ARL5A: variants seen among roughly 807,000 people sequenced by gnomAD.
ARL5A encodes the protein ADP-ribosylation factor-like protein 5A.
A neutral mutation model predicts 25.9 loss-of-function variants in ARL5A; 18 were observed. That is an observed-to-expected ratio of 0.69 (90% CI 0.48 to 1.03). ARL5A has a LOEUF of 1.03. Ranked by LOEUF, ARL5A falls within the 50% of genes least tolerant of loss-of-function variation. The pLI is 0.00. For missense variants in ARL5A, 170 were observed against 211.9 expected (o/e 0.80, Z 1.23); for synonymous variants, 61 against 67.5 (o/e 0.90, Z 0.47).
Position 151,828,132 on chromosome 2 carries a change from CTGG to C in ARL5A, c.42_44del (p.His14del), listed in dbSNP as rs1413750619. On this transcript the variant is annotated inframe_deletion and splice_region_variant, in exon 1 of 6. Transcript: ENST00000295087. Reference sequence around the variant, plus strand: ...ACGCCCGCGGACCGAGCTCCTCACCCTGGTGATTGAACAGTCTCCATATTCTAG... The same window carrying C: ...ACGCCCGCGGACCGAGCTCCTCACCCTGATTGAACAGTCTCCATATTCTAG... 6.2e-7 allele frequency: 1 copy of C among 1,610,376 alleles called. No individual in the cohort carries two copies. The highest frequency in any genetic ancestry group is 8.5e-7 in the Non-Finnish European group (1 of 1,178,296).
At chr2:151,812,001 T>C (rs2099830909) in intron 4 of ARL5A, among the ~76,000 whole-genome samples, 1 of 152,244 alleles carries the variant, frequency 6.6e-6, no homozygotes, top group Non-Finnish European at 1.5e-5. Flanking sequence ...CAAGAATTGC[T>C]AAGCACCCAG....
intron 4 of ARL5A, among the ~76,000 whole-genome samples, chr2:151,811,378 T>C (rs1429929401): frequency 6.6e-6 from 1 of 152,062 alleles, no homozygotes; most frequent in Non-Finnish European, 1.5e-5. Context: ...TATTCCTATC[T>C]ATAAATGAGT....
chr2:151,812,517 T>C, intron 3 of ARL5A, 77 bp from the exon 4 acceptor site: 2 of 895,814 alleles, frequency 2.2e-6, no homozygotes, highest in South Asian at 2.1e-5. Flanking sequence ...TTATTTGACA[T>C]ACAGGCTATT....
intron 3 of ARL5A, among the ~76,000 whole-genome samples, chr2:151,812,680 C>T (rs904131563): frequency 2.0e-5 from 3 of 152,044 alleles, no homozygotes; most frequent in African/African-American, 4.8e-5. Context: ...ATATATAACG[C>T]ATGTCTGTTT....
intron 1 of ARL5A, among the ~76,000 whole-genome samples, chr2:151,815,748 C>T (rs926756549): frequency 1.3e-5 from 2 of 152,140 alleles, no homozygotes; most frequent in Non-Finnish European, 2.9e-5. Flanking sequence ...GCGACTCCCT[C>T]CCCCCATTTG....
chr2:151,814,416 T>C (rs2099831232), intron 2 of ARL5A, 100 bp from the exon 3 acceptor site: 4 of 914,268 alleles, frequency 4.4e-6, no homozygotes, highest in Non-Finnish European at 6.4e-6. Context: ...CCTTTTATAA[T>C]TTATACCTAA....
At position 151,828,113 on chromosome 2, in the gene ARL5A, G is replaced by T; in HGVS notation, c.46+18C>A. 6.2e-7 allele frequency: 1 copy of T among 1,607,516 alleles called. No individual in the cohort carries two copies. The highest frequency in any genetic ancestry group is 8.5e-7 in the Non-Finnish European group (1 of 1,176,880). ...GACCCTCTCCCCAACCCGTACGCCC[G>T]CGGACCGAGCTCCTCACCCTGGTGA... On this transcript the variant is annotated intron_variant, in intron 1 of 5. Coordinates refer to ENST00000295087, the MANE Select transcript of ARL5A (RefSeq NM_012097.4).
At position 151,806,901 on chromosome 2, in the gene ARL5A, T is replaced by TGA; in HGVS notation, c.410_411insTC (p.Glu137AspfsTer7). The stretch of plus-strand genomic sequence containing the variant: ...AAGTTAGCTTCAAAAACTGGGAGAT[T>TGA]TCTGCTACAGTCATGCATTCTTTAA... On this transcript the variant is annotated frameshift_variant, in exon 5 of 6. Transcript: ENST00000295087. LOFTEE classifies it high-confidence loss of function. The TGA allele has an allele frequency of 6.2e-7, 1 of 1,613,650 alleles. No homozygotes were observed. Among genetic ancestry groups the TGA allele is most frequent in the Non-Finnish European group, 8.5e-7 (1 of 1,179,746 alleles).
intron 5 of ARL5A, among the ~76,000 whole-genome samples, 175 bp from the exon 6 acceptor site, chr2:151,803,499 T>C (rs1337064238): frequency 6.6e-6 from 1 of 152,204 alleles, no homozygotes; most frequent in African/African-American, 2.4e-5. Context: ...TCATACACAA[T>C]ACATCTGTGC....
chr2:151,819,683 T>C (rs937332553), intron 1 of ARL5A, among the ~76,000 whole-genome samples: 2 of 151,934 alleles, frequency 1.3e-5, no homozygotes, highest in Non-Finnish European at 2.9e-5. Flanking sequence ...TTGGTTACTA[T>C]GTCCTAATTC....
chr2:151,812,292 T>C (rs556499378), intron 4 of ARL5A, 65 bp downstream of exon 4: 1 of 1,193,452 alleles, frequency 8.4e-7, no homozygotes, highest in Non-Finnish European at 1.2e-6. Context: ...CATGAGAAAC[T>C]AGAAAACAAA....
At chr2:151,828,110 C>T (rs776635169) in intron 1 of ARL5A, 21 bp downstream of exon 1, 1 of 1,608,014 alleles carries the variant, frequency 6.2e-7, no homozygotes, top group South Asian at 1.1e-5. Context: ...AACCCGTACG[C>T]CCGCGGACCG....
intron 1 of ARL5A, among the ~76,000 whole-genome samples, chr2:151,824,751 G>A (rs553370700): frequency 1.4e-4 from 21 of 152,242 alleles, no homozygotes; most frequent in African/African-American, 4.1e-4. Flanking sequence ...ATGTGCGTGC[G>A]TGCATGTGTG....
intron 1 of ARL5A, among the ~76,000 whole-genome samples, chr2:151,821,141 A>C (rs1331549291): frequency 6.6e-6 from 1 of 152,188 alleles, no homozygotes; most frequent in Admixed American, 6.5e-5. Context: ...TAAACTTTCC[A>C]ATCATTTAAC....
In ARL5A at chr2:151,828,297, T is replaced by A; in HGVS notation, c.-121A>T. 1.1e-6 allele frequency: 1 copy of A among 884,886 alleles called. No homozygotes were observed. The allele number at this position is 884,886 out of a possible 1,614,324, so 54.8% of individuals were successfully genotyped here. On this transcript the variant is annotated 5_prime_UTR_variant, in exon 1 of 6. Coordinates refer to ENST00000295087, the MANE Select transcript of ARL5A (RefSeq NM_012097.4). The stretch of plus-strand genomic sequence containing the variant: ...GCCTCTGCTGCTGCTCCCGCGCTGG[T>A]CGCGGGCCCGCTTCCAGGGAACCGG...
Position 151,803,701 on chromosome 2 carries a change from A to T in ARL5A, c.492-377T>A, listed in dbSNP as rs76319745. Among the ~76,000 whole-genome samples the T allele has an allele frequency of 3.7e-3, 562 of 152,286 alleles. 9 individuals carry two copies. In the East Asian group the frequency reaches 0.055, roughly 15 times the overall value. On this transcript the variant is annotated intron_variant, in intron 5 of 5. Coordinates refer to ENST00000295087, the MANE Select transcript of ARL5A (RefSeq NM_012097.4). ...ACATCTGTGCTCTTTTGGTTCAGTT[A>T]TATCTCTAGCACCCAGAACGCTGTC...
At chr2:151,821,347 G>A (rs1046315176) in intron 1 of ARL5A, among the ~76,000 whole-genome samples, 8 of 151,968 alleles carry the variant, frequency 5.3e-5, no homozygotes, top group Non-Finnish European at 7.4e-5. Flanking sequence ...CTTACCAAAT[G>A]GTTAAAATAC....
chr2:151,823,057 G>A (rs1559823754), intron 1 of ARL5A, among the ~76,000 whole-genome samples: 1 of 151,946 alleles, frequency 6.6e-6, no homozygotes. Flanking sequence ...AAAACACCAG[G>A]GCAAATAAAT....
At chr2:151,815,480 G>A (rs1038137543) in intron 1 of ARL5A, among the ~76,000 whole-genome samples, 1 of 152,142 alleles carries the variant, frequency 6.6e-6, no homozygotes, top group African/African-American at 2.4e-5. Flanking sequence ...TCCTAGGCAA[G>A]CCTACTCTCA....
Sources: gnomAD v4.1 joint callset for allele counts (sites outside exome capture counted in the v4.1 genomes callset) on GRCh38, gnomAD v4.1.1 for gene constraint, MANE v1.5 for transcripts, NCBI Gene and HGNC (gene_info 2026-07-23, HGNC 2026-07-21) for gene names.